The following ST7 variants were observed in gnomAD, a reference collection of about 807,000 sequenced individuals.
The protein encoded by ST7 is suppression of tumorigenicity 7, also known as suppressor of tumorigenicity 7 protein.
ST7 carries 28 observed loss-of-function variants against 78.7 expected under a neutral mutation model. The observed-to-expected ratio is 0.36, with a 90% CI of 0.26 to 0.49. The LOEUF (loss-of-function observed/expected upper bound fraction) is 0.49, where lower values mean the gene tolerates loss of function less well. Ranked by LOEUF, ST7 falls within the 20% of genes least tolerant of loss-of-function variation. The probability of loss-of-function intolerance (pLI) is 0.99; values close to 1 mark genes in which losing one functional copy is unlikely to be tolerated. For missense variants in ST7, 418 were observed against 696.0 expected, an observed-to-expected ratio of 0.60 and a Z score of 4.49; for synonymous variants, 247 against 249.6, an observed-to-expected ratio of 0.99 and a Z score of 0.10.
chr7:117,014,953 G>C, intron 1 of ST7: 1 of 1,339,358 alleles, frequency 7.5e-7, no homozygotes, highest in Non-Finnish European at 9.7e-7. Context: ...TTTTCTGGCT[G>C]ATAGAGTTGT....
At chr7:117,153,154 T>A (rs1806423898) in intron 9 of ST7, among the ~76,000 whole-genome samples, 1 of 152,196 alleles carries the variant, frequency 6.6e-6, no homozygotes, top group Non-Finnish European at 1.5e-5. Context: ...AAGTCATAGA[T>A]AACGTCTGGA....
chr7:117,093,885 C>G (rs779012294), intron 1 of ST7, among the ~76,000 whole-genome samples: 1 of 152,162 alleles, frequency 6.6e-6, no homozygotes, highest in Non-Finnish European at 1.5e-5. Flanking sequence ...CAAATGTACA[C>G]GAATACTTTT....
intron 2 of ST7, among the ~76,000 whole-genome samples, chr7:117,103,380 G>A (rs373092213): frequency 3.9e-5 from 6 of 152,194 alleles, no homozygotes; most frequent in African/African-American, 1.4e-4. Flanking sequence ...AACCAAATCA[G>A]CATGGTACTG....
intron 1 of ST7, among the ~76,000 whole-genome samples, chr7:117,089,628 A>G (rs1453987403): frequency 1.3e-5 from 2 of 150,810 alleles, no homozygotes; most frequent in African/African-American, 2.4e-5. Flanking sequence ...CTGGAGTGCA[A>G]TGGCGCGATC....
chr7:117,193,090 T>C (rs1809945872), intron 12 of ST7, among the ~76,000 whole-genome samples: 1 of 151,676 alleles, frequency 6.6e-6, no homozygotes, highest in Non-Finnish European at 1.5e-5. Flanking sequence ...CTGTCAAGAA[T>C]TAGCCACAGA....
At chr7:116,974,225 C>T (rs1585071304) in intron 1 of ST7, among the ~76,000 whole-genome samples, 1 of 152,074 alleles carries the variant, frequency 6.6e-6, no homozygotes, top group Non-Finnish European at 1.5e-5. Flanking sequence ...ACTCTAGAAC[C>T]TCCATTTTGT....
intron 9 of ST7, among the ~76,000 whole-genome samples, chr7:117,165,333 C>T (rs1807463011): frequency 6.6e-6 from 1 of 152,114 alleles, no homozygotes; most frequent in South Asian, 2.1e-4. Flanking sequence ...TTCTCTAGAC[C>T]ATCTATTCCA....
intron 9 of ST7, among the ~76,000 whole-genome samples, chr7:117,167,065 T>C (rs895911492): frequency 6.8e-6 from 1 of 146,602 alleles, no homozygotes; most frequent in Non-Finnish European, 1.5e-5. Flanking sequence ...TTTTTTTTTT[T>C]ACTTTGTTTT....
intron 8 of ST7, chr7:117,137,175 G>T (rs1457418146): frequency 1.3e-5 from 2 of 152,208 alleles, no homozygotes; most frequent in Middle Eastern, 3.4e-3. Flanking sequence ...TTAAACTTGG[G>T]TTTGGTGTAG....
intron 1 of ST7, among the ~76,000 whole-genome samples, chr7:116,991,112 A>C (rs963490813): frequency 5.3e-5 from 8 of 152,056 alleles, no homozygotes; most frequent in Non-Finnish European, 1.0e-4. Flanking sequence ...ATCACATTTT[A>C]TTTATCTATT....
At chr7:117,087,965 T>C (rs1253199225) in intron 1 of ST7, among the ~76,000 whole-genome samples, 2 of 152,228 alleles carry the variant, frequency 1.3e-5, no homozygotes, top group African/African-American at 4.8e-5. Flanking sequence ...TTATGAATGG[T>C]ATCTTCTTTC....
At chr7:117,218,688 C>A (rs760105467) in intron 13 of ST7, among the ~76,000 whole-genome samples, 1 of 152,110 alleles carries the variant, frequency 6.6e-6, no homozygotes, top group African/African-American at 2.4e-5. Context: ...TCCAACAAGT[C>A]GATCCACATT....
At chr7:117,157,929 C>T (rs1357343629) in intron 9 of ST7, among the ~76,000 whole-genome samples, 2 of 152,192 alleles carry the variant, frequency 1.3e-5, no homozygotes, top group Non-Finnish European at 2.9e-5. Flanking sequence ...ATGTTTTACT[C>T]AGAGTTACCC....
At chr7:117,126,227 AT>A (rs1462760136) in intron 3 of ST7, among the ~76,000 whole-genome samples, 3 of 151,846 alleles carry the variant, frequency 2.0e-5, no homozygotes, top group Non-Finnish European at 4.4e-5. Context: ...GCAATTTATA[AT>A]TTTTGAAGTC....
chr7:116,972,070 G>C, intron 1 of ST7: 1 of 498,238 alleles, frequency 2.0e-6, no homozygotes, highest in Non-Finnish European at 3.9e-6. Context: ...TCCAGTTAAA[G>C]ATCAGTCCTC....
intron 9 of ST7, among the ~76,000 whole-genome samples, chr7:117,165,682 C>A (rs1807497470): frequency 1.3e-5 from 2 of 152,056 alleles, no homozygotes; most frequent in Non-Finnish European, 1.5e-5. Flanking sequence ...AGAAGATGGA[C>A]AAGTAGATGA....
At chr7:117,107,894 C>T (rs1202193938) in intron 2 of ST7, among the ~76,000 whole-genome samples, 2 of 151,830 alleles carry the variant, frequency 1.3e-5, no homozygotes, top group Non-Finnish European at 1.5e-5. Context: ...GGATTGTAGA[C>T]GTCAGCCACT....
chr7:117,155,049 T>G (rs1385757842), intron 9 of ST7, among the ~76,000 whole-genome samples: 1 of 152,096 alleles, frequency 6.6e-6, no homozygotes, highest in Non-Finnish European at 1.5e-5. Context: ...CAGTTAAAGA[T>G]AATGATAGGT....
chr7:116,990,798 A>G (rs1464739260), intron 1 of ST7, among the ~76,000 whole-genome samples: 2 of 152,148 alleles, frequency 1.3e-5, no homozygotes, highest in Non-Finnish European at 1.5e-5. Context: ...CCATTATCTG[A>G]CACACCATAT....
Sources: gnomAD v4.1 joint callset for allele counts (sites outside exome capture counted in the v4.1 genomes callset) on GRCh38, gnomAD v4.1.1 for gene constraint, MANE v1.5 for transcripts, NCBI Gene and HGNC (gene_info 2026-07-23, HGNC 2026-07-21) for gene names.